Variants in GPR158 observed in about 807,000 individuals in gnomAD.
The protein encoded by GPR158 is G protein-coupled receptor 158.
GPR158 carries 30 observed loss-of-function variants against 78.2 expected under a neutral mutation model. The ratio of observed to expected loss-of-function variants is 0.38; its 90% CI spans 0.29 to 0.52. The LOEUF is 0.52. GPR158 is among the 20% of genes least tolerant of loss of function. The pLI, the probability that GPR158 is intolerant of heterozygous loss-of-function variation, is 0.83. For missense variants in GPR158, 1,463 were observed against 1,523.5 expected, an observed-to-expected ratio of 0.96 and a Z score of 0.66; for synonymous variants, 581 against 591.1, an observed-to-expected ratio of 0.98 and a Z score of 0.25.
chr10:25,359,587 C>G (rs1318326016), intron 2 of GPR158, among the ~76,000 whole-genome samples: 2 of 152,254 alleles, frequency 1.3e-5, no homozygotes, highest in Admixed American at 6.5e-5. Flanking sequence ...AGGGCATAAA[C>G]TCATCCTTTT....
At position 25,176,301 on chromosome 10, in the gene GPR158, C is replaced by T; in HGVS notation, c.881C>T (p.Pro294Leu). The T allele has an allele frequency of 1.3e-6, 2 of 1,587,228 alleles. No homozygotes were observed. Among genetic ancestry groups the T allele is most frequent in the Non-Finnish European group, 1.7e-6 (2 of 1,166,820 alleles). Residue 294 changes from proline to leucine, a missense_variant, in exon 1 of 11, where the codon CCT becomes CTT. Physicochemically the swap from Pro to Leu is moderately conservative, Grantham distance 98. Transcript: ENST00000376351. This position sits in a 1 kb window ranked among gnomAD's most constrained non-coding sequence, Gnocchi z 6.3. ...TCCTCTGCCATCTACGGGTTGCAGC[C>T]TAACCTGGTCCCGGAATTCAGGTAG... ...TLSSAIYGLQ[P>L]NLVPEFRGVM... is the part of the protein sequence containing the mutation.
intron 2 of GPR158, among the ~76,000 whole-genome samples, chr10:25,318,593 A>G (rs942123938): frequency 6.6e-6 from 1 of 152,064 alleles, no homozygotes; most frequent in Non-Finnish European, 1.5e-5. Flanking sequence ...TTTGTTCTGT[A>G]TAGAGCTAAT....
At chr10:25,224,744 G>A (rs750801429) in intron 2 of GPR158, among the ~76,000 whole-genome samples, 6 of 152,078 alleles carry the variant, frequency 3.9e-5, no homozygotes, top group Non-Finnish European at 8.8e-5. Flanking sequence ...TGTCAACTAT[G>A]TTTGCTACCA....
intron 2 of GPR158, among the ~76,000 whole-genome samples, chr10:25,382,673 T>G (rs1233442266): frequency 6.6e-6 from 1 of 152,134 alleles, no homozygotes; most frequent in Non-Finnish European, 1.5e-5. Context: ...CCTTTTAGAT[T>G]TCCTGTTTGA....
At chr10:25,214,050 A>G (rs368808486) in intron 1 of GPR158, among the ~76,000 whole-genome samples, 4 of 152,168 alleles carry the variant, frequency 2.6e-5, no homozygotes, top group Admixed American at 1.3e-4. Flanking sequence ...GCTGGAGTGC[A>G]GTGGTGAGAT....
intron 2 of GPR158, among the ~76,000 whole-genome samples, chr10:25,252,336 G>T (rs1853816200): frequency 6.6e-6 from 1 of 152,162 alleles, no homozygotes; most frequent in South Asian, 2.1e-4. Flanking sequence ...TCTCCATCCA[G>T]CTTTGTTCTG....
chr10:25,189,834 ATGTGTGTGTGTGTGTGTGTGTG>A (rs56205437), intron 1 of GPR158, among the ~76,000 whole-genome samples: 1 of 120,542 alleles, frequency 8.3e-6, no homozygotes, highest in Non-Finnish European at 1.7e-5. Flanking sequence ...AAAGGAAAGC[ATGTGTGTGTGTGTGTGTGTGTG>A]TGTGTGTGTG....
At chr10:25,269,747 G>A (rs991534234) in intron 2 of GPR158, among the ~76,000 whole-genome samples, 1 of 152,138 alleles carries the variant, frequency 6.6e-6, no homozygotes, top group Admixed American at 6.5e-5. Flanking sequence ...ATGAGAAAAC[G>A]GAGAAACTGA....
intron 5 of GPR158, among the ~76,000 whole-genome samples, chr10:25,496,338 C>T (rs1835880167): frequency 6.6e-6 from 1 of 152,196 alleles, no homozygotes; most frequent in Non-Finnish European, 1.5e-5. Context: ...TGTCTTTTAA[C>T]ATGAGAAATG....
At chr10:25,414,280 C>T (rs1016735979) in intron 4 of GPR158, among the ~76,000 whole-genome samples, 9 of 152,214 alleles carry the variant, frequency 5.9e-5, no homozygotes, top group African/African-American at 2.2e-4. Context: ...TTGCTAATTT[C>T]CCTGGACCTT....
chr10:25,418,050 A>G (rs375359303), intron 4 of GPR158, among the ~76,000 whole-genome samples: 2 of 152,168 alleles, frequency 1.3e-5, no homozygotes, highest in South Asian at 4.1e-4. Context: ...ACCAATAACA[A>G]TGTCAAACCT....
chr10:25,399,117 C>T (rs1276432901), intron 3 of GPR158, among the ~76,000 whole-genome samples: 1 of 152,186 alleles, frequency 6.6e-6, no homozygotes, highest in Non-Finnish European at 1.5e-5. Context: ...TGGTGGAAGG[C>T]ACCTCTTCAC....
chr10:25,534,730 CGTGACAGAGCAAGAA>C (rs1451202475), intron 5 of GPR158, among the ~76,000 whole-genome samples: 2 of 151,944 alleles, frequency 1.3e-5, no homozygotes, highest in Non-Finnish European at 2.9e-5. Context: ...CTTCAGCCTG[CGTGACAGAGCAAGAA>C]GTGACAGAGC....
chr10:25,448,775 G>A (rs1268541679), intron 4 of GPR158, among the ~76,000 whole-genome samples: 3 of 151,882 alleles, frequency 2.0e-5, no homozygotes, highest in Non-Finnish European at 4.4e-5. Flanking sequence ...CTCTCATTTT[G>A]GTATTGTCAA....
intron 2 of GPR158, among the ~76,000 whole-genome samples, chr10:25,381,925 G>T (rs1013449058): frequency 3.3e-5 from 5 of 152,168 alleles, no homozygotes; most frequent in Admixed American, 3.3e-4. Context: ...TTGCTTGCGG[G>T]TTTTAAGCTG....
rs1852530054 is a variant in GPR158, at chr10:25,176,202, G to A, written c.782G>A (p.Ser261Asn). 6.3e-7 allele frequency: 1 copy of A among 1,585,600 alleles called. No individual in the cohort carries two copies. Among genetic ancestry groups the A allele is most frequent in the Non-Finnish European group, 8.6e-7 (1 of 1,167,086 alleles). Residue 261 changes from serine to asparagine, a missense_variant, in exon 1 of 11, where the codon AGC becomes AAC. Transcript: ENST00000376351. The surrounding 1 kb of genome is among the most constrained non-coding windows in gnomAD (Gnocchi z 6.3). Reference protein sequence around the residue: ...RRKDGLGGDKSHFKWSPPYLE... With the variant: ...RRKDGLGGDKNHFKWSPPYLE... ...AAGGACGGGCTCGGCGGGGACAAGAGCCACTTCAAGTGGTCTCCGCCTTAT... is the reference window on the plus strand; with the variant it reads ...AAGGACGGGCTCGGCGGGGACAAGAACCACTTCAAGTGGTCTCCGCCTTAT...
At chr10:25,329,837 G>A (rs1477016279) in intron 2 of GPR158, among the ~76,000 whole-genome samples, 2 of 151,958 alleles carry the variant, frequency 1.3e-5, no homozygotes, top group African/African-American at 4.8e-5. Context: ...TTTATCGTAA[G>A]CGTCTATACT....
Position 25,598,820 on chromosome 10 carries a change from G to A in GPR158, c.3194G>A (p.Arg1065His), listed in dbSNP as rs765691470. The change falls in exon 11 of 11, where the codon CGC becomes CAC. Residue 1065 changes from arginine (R) to histidine (H), a missense_variant. Coordinates refer to ENST00000376351, the MANE Select transcript of GPR158 (RefSeq NM_020752.3). ...GTTTGTCAGCAATCCAATCAGAAGC[G>A]CATAGATAAGGCTGAAGTATGCCTT... ...AEVCQQSNQK[R>H]IDKAEVCLWE... 70 of 1,613,960 alleles carry A rather than the reference G, an allele frequency of 4.3e-5. No individual in the cohort carries two copies. Among genetic ancestry groups the A allele is most frequent in the Middle Eastern group, 1.6e-4 (1 of 6,084 alleles).
intron 2 of GPR158, among the ~76,000 whole-genome samples, chr10:25,251,024 T>C (rs1016892317): frequency 3.9e-5 from 6 of 151,998 alleles, no homozygotes; most frequent in African/African-American, 1.5e-4. Context: ...ATATTTAGGA[T>C]AGTTAGCTCT....
Sources: gnomAD v4.1 joint callset for allele counts (sites outside exome capture counted in the v4.1 genomes callset) on GRCh38, gnomAD v4.1.1 for gene constraint, Gnocchi (gnomAD v3.1) non-coding constraint, MANE v1.5 for transcripts, NCBI Gene and HGNC (gene_info 2026-07-23, HGNC 2026-07-21) for gene names.